Variants in ELOVL2 observed in about 807,000 individuals in gnomAD.
ELOVL2 encodes very long chain fatty acid elongase 2.
ELOVL2 carries 38 observed loss-of-function variants against 37.7 expected under a neutral mutation model. That is an observed-to-expected ratio of 1.01 (90% CI 0.78 to 1.32). The LOEUF (loss-of-function observed/expected upper bound fraction) is 1.32, where lower values mean the gene tolerates loss of function less well. Among genes scored for constraint, ELOVL2 ranks in the 40% most tolerant of loss-of-function variants. The pLI, the probability that ELOVL2 is intolerant of heterozygous loss-of-function variation, is 0.00. For missense variants in ELOVL2, 352 were observed against 363.6 expected (o/e 0.97, Z 0.26); for synonymous variants, 115 against 122.3 (o/e 0.94, Z 0.40).
At chr6:11,037,329 A>G (rs550696856) in intron 1 of ELOVL2, among the ~76,000 whole-genome samples, 2 of 152,226 alleles carry the variant, frequency 1.3e-5, no homozygotes, top group East Asian at 1.9e-4. Flanking sequence ...CTGCCAAAGA[A>G]AAAAAAGGCT....
At chr6:11,020,708 T>G (rs1338651059) in intron 1 of ELOVL2, among the ~76,000 whole-genome samples, 2 of 152,348 alleles carry the variant, frequency 1.3e-5, no homozygotes, top group Admixed American at 1.3e-4. Context: ...TGCAGTAGTC[T>G]GTCCTAAGTG....
intron 1 of ELOVL2, among the ~76,000 whole-genome samples, chr6:11,036,879 T>C (rs1783013420): frequency 6.6e-6 from 1 of 151,570 alleles, no homozygotes; most frequent in Admixed American, 6.6e-5. Context: ...CTTATGGACA[T>C]ATTCTGTTTT....
At chr6:10,993,743 A>G (rs1189081001) in intron 5 of ELOVL2, among the ~76,000 whole-genome samples, 5 of 151,898 alleles carry the variant, frequency 3.3e-5, no homozygotes, top group Non-Finnish European at 7.4e-5. Flanking sequence ...GCTGGAGTGC[A>G]GTGGCGTGAT....
intron 7 of ELOVL2, among the ~76,000 whole-genome samples, chr6:10,989,393 C>T (rs1427596197): frequency 6.6e-6 from 1 of 152,200 alleles, no homozygotes; most frequent in Non-Finnish European, 1.5e-5. Flanking sequence ...TGGCTCACGC[C>T]TATAATCCCA....
At chr6:10,995,811 C>G (rs914693496) in intron 4 of ELOVL2, among the ~76,000 whole-genome samples, 1 of 152,190 alleles carries the variant, frequency 6.6e-6, no homozygotes, top group African/African-American at 2.4e-5. Context: ...AAGGCAGAAA[C>G]TGTCACTCAC....
intron 1 of ELOVL2, among the ~76,000 whole-genome samples, chr6:11,037,120 GAGAGAGACAGAGAGGGAGAGAGAGAC>G (rs1331419593): frequency 6.8e-6 from 1 of 146,644 alleles, no homozygotes; most frequent in Admixed American, 6.9e-5. Flanking sequence ...GGCAGAGAAG[GAGAGAGACAGAGAGGGAGAGAGAGAC>G]AGAGAGGCAG....
intron 4 of ELOVL2, among the ~76,000 whole-genome samples, chr6:10,995,563 G>A (rs1782253150): frequency 6.6e-6 from 1 of 152,110 alleles, no homozygotes; most frequent in African/African-American, 2.4e-5. Context: ...TCCTCCTCCA[G>A]CCATGAAAAC....
chr6:10,999,380 CT>C (rs34899380), intron 4 of ELOVL2, among the ~76,000 whole-genome samples: 325 of 142,324 alleles, frequency 2.3e-3, no homozygotes, highest in Non-Finnish European at 1.9e-3. Context: ...AAAGGAAATG[CT>C]TTTTTTTTTT....
At chr6:11,008,496 G>A (rs995497646) in intron 2 of ELOVL2, among the ~76,000 whole-genome samples, 2 of 151,998 alleles carry the variant, frequency 1.3e-5, no homozygotes, top group Non-Finnish European at 2.9e-5. Flanking sequence ...GAGTGCCCCC[G>A]GGGCCTGCAT....
Position 10,989,639 on chromosome 6 carries a change from C to T in ELOVL2, c.765+64G>A, listed in dbSNP as rs1782110182. 22 of 1,472,652 alleles carry T rather than the reference C, an allele frequency of 1.5e-5. No individual in the cohort carries two copies. In the South Asian group the frequency reaches 2.7e-4, roughly 18 times the overall value. 91.2% of individuals were successfully genotyped at this position (1,472,652 alleles called of 1,614,324 possible). A position where few individuals can be genotyped will look rare whatever the true frequency, so the allele number is the denominator to read the frequency against. On this transcript the variant is annotated intron_variant, in intron 7 of 7. Transcript: ENST00000354666. Reference sequence around the variant, plus strand: ...GGGCAATAAGAGCGAAACTCTGTCTCCAAAAAAAAAAAAATAGTGCCAATC... The same window carrying T: ...GGGCAATAAGAGCGAAACTCTGTCTTCAAAAAAAAAAAAATAGTGCCAATC...
intron 1 of ELOVL2, among the ~76,000 whole-genome samples, chr6:11,036,534 C>T (rs1391364317): frequency 6.6e-6 from 1 of 152,214 alleles, no homozygotes; most frequent in African/African-American, 2.4e-5. Context: ...ACCATTTCGA[C>T]TGCGTTGCCC....
At position 10,981,763 on chromosome 6, in the gene ELOVL2, A is replaced by G. The variant is rs1781937693; in HGVS notation, c.*2018T>C. On this transcript the variant is annotated 3_prime_UTR_variant, in exon 8 of 8. Coordinates refer to ENST00000354666, the MANE Select transcript of ELOVL2 (RefSeq NM_017770.4). ...TAAGAATAAGCTGAATGTGATGACC[A>G]GTGAGCATATTAGACCAGTCTGTCT... is the stretch of plus-strand genomic sequence containing the variant. The G allele has an allele frequency of 6.6e-6, 1 of 152,244 alleles. No homozygotes were observed. Among genetic ancestry groups the G allele is most frequent in the Non-Finnish European group, 1.5e-5 (1 of 68,048 alleles). The allele number at this position is 152,244 out of a possible 1,614,324, so 9.4% of individuals were successfully genotyped here.
intron 1 of ELOVL2, among the ~76,000 whole-genome samples, chr6:11,028,712 A>G (rs185304625): frequency 3.3e-5 from 5 of 151,970 alleles, no homozygotes; most frequent in African/African-American, 1.2e-4. Flanking sequence ...ATAGTAATAT[A>G]TTTATTATAA....
intron 7 of ELOVL2, among the ~76,000 whole-genome samples, chr6:10,988,438 C>A (rs1782087528): frequency 1.3e-5 from 2 of 152,202 alleles, no homozygotes; most frequent in African/African-American, 4.8e-5. Context: ...GTGGCACACG[C>A]CTGTAATCCC....
At chr6:11,021,523 G>A (rs1461511187) in intron 1 of ELOVL2, among the ~76,000 whole-genome samples, 1 of 152,176 alleles carries the variant, frequency 6.6e-6, no homozygotes, top group Non-Finnish European at 1.5e-5. Flanking sequence ...CAAGTAAAGA[G>A]TGTAGGAGAG....
intron 1 of ELOVL2, among the ~76,000 whole-genome samples, chr6:11,024,732 AT>A (rs1392371691): frequency 2.0e-5 from 3 of 152,366 alleles, no homozygotes; most frequent in African/African-American, 7.2e-5. Context: ...AATATCAGCA[AT>A]CAGCAAACAT....
chr6:11,011,755 T>A (rs1335687259), intron 1 of ELOVL2, among the ~76,000 whole-genome samples: 1 of 152,128 alleles, frequency 6.6e-6, no homozygotes, highest in Non-Finnish European at 1.5e-5. Context: ...TGGATTCAGG[T>A]GGGAGCCGGA....
intron 3 of ELOVL2, among the ~76,000 whole-genome samples, chr6:11,002,080 G>A (rs545692575): frequency 1.1e-4 from 17 of 152,070 alleles, no homozygotes; most frequent in Admixed American, 9.2e-4. Flanking sequence ...TAGCACTCCC[G>A]TCATTAAAAT....
At position 11,010,770 on chromosome 6, in the gene ELOVL2, A is replaced by G; in HGVS notation, c.43T>C (p.Leu15=). ...CCTCGCGGTCCAAACATATTGTCCA[A>G]AAAAGCATTGATTTCATCATCAAAG... ...KAFDDEINAF[L]DNMFGPRDSR... The change falls in exon 2 of 8, where the codon TTG becomes CTG. Residue 15 remains leucine (L), a synonymous_variant. Transcript: ENST00000354666. The G allele has an allele frequency of 6.2e-7, 1 of 1,612,826 alleles. No individual in the cohort carries two copies.
Sources: gnomAD v4.1 joint callset for allele counts (sites outside exome capture counted in the v4.1 genomes callset) on GRCh38, gnomAD v4.1.1 for gene constraint, MANE v1.5 for transcripts, NCBI Gene and HGNC (gene_info 2026-07-23, HGNC 2026-07-21) for gene names.